The following RAB3C variants were observed in gnomAD, a reference collection of about 807,000 sequenced individuals.
RAB3C encodes the protein RAB3C, member RAS oncogene family.
A neutral mutation model predicts 26.4 loss-of-function variants in RAB3C; 17 were observed. The observed-to-expected ratio is 0.64, with a 90% CI of 0.44 to 0.97. The LOEUF (loss-of-function observed/expected upper bound fraction) is 0.97. RAB3C is among the 50% of genes least tolerant of loss of function. The pLI, the probability that RAB3C is intolerant of heterozygous loss-of-function variation, is 0.00. For missense variants in RAB3C, 242 were observed against 281.9 expected (o/e 0.86, Z 1.01); for synonymous variants, 91 against 95.9 (o/e 0.95, Z 0.30).
At chr5:58,760,686 A>G (rs1215110138) in intron 3 of RAB3C, among the ~76,000 whole-genome samples, 1 of 152,220 alleles carries the variant, frequency 6.6e-6, no homozygotes, top group Non-Finnish European at 1.5e-5. Flanking sequence ...GATAAAAATG[A>G]AAAATACTGA....
At chr5:58,807,666 G>GT (rs1561137161) in intron 3 of RAB3C, among the ~76,000 whole-genome samples, 3 of 152,014 alleles carry the variant, frequency 2.0e-5, no homozygotes, top group Admixed American at 2.0e-4. Flanking sequence ...AACTACAATG[G>GT]TGGGGGGGCA....
intron 4 of RAB3C, among the ~76,000 whole-genome samples, chr5:58,834,541 T>G (rs896092756): frequency 6.6e-6 from 1 of 152,204 alleles, no homozygotes; most frequent in Non-Finnish European, 1.5e-5. Context: ...TTTTAAAGAT[T>G]TATTTAACTC....
chr5:58,825,533 T>A (rs766739673), intron 4 of RAB3C, among the ~76,000 whole-genome samples: 6 of 152,168 alleles, frequency 3.9e-5, no homozygotes, highest in Non-Finnish European at 7.3e-5. Flanking sequence ...TTCTCAAGTT[T>A]CCATTGGAGG....
chr5:58,836,263 T>TA lies in RAB3C; in HGVS notation c.496+11103dup, dbSNP rs200503749. Among the ~76,000 whole-genome samples, 812 of 93,524 alleles carry TA rather than the reference T, an allele frequency of 8.7e-3. 33 individuals are homozygous for TA. In the East Asian group the frequency reaches 0.12, roughly 14 times the overall value. 61.4% of individuals were successfully genotyped at this position (93,524 alleles called of 152,430 possible). A position where few individuals can be genotyped will look rare whatever the true frequency, so the allele number is the denominator to read the frequency against. ...TATTTCTTTATTTTTAAAATTAAAT[T>TA]AATTTTTTTTACAAATTATGATGTT... On this transcript the variant is annotated intron_variant, in intron 4 of 4. Transcript: ENST00000282878.
chr5:58,700,970 TTTTATTTA>T (rs150630099), intron 2 of RAB3C, among the ~76,000 whole-genome samples: 3,707 of 148,356 alleles, frequency 0.025, 133 homozygotes, highest in African/African-American at 0.082. Context: ...CTTAAAAATC[TTTTATTTA>T]TTTATTTATT....
At chr5:58,757,659 T>A (rs1210899124) in intron 3 of RAB3C, among the ~76,000 whole-genome samples, 1 of 152,174 alleles carries the variant, frequency 6.6e-6, no homozygotes, top group East Asian at 1.9e-4. Context: ...GTTTTCTGAT[T>A]TCCCTACTAG....
At chr5:58,688,135 A>G (rs1175389842) in intron 2 of RAB3C, among the ~76,000 whole-genome samples, 1 of 152,104 alleles carries the variant, frequency 6.6e-6, no homozygotes, top group Non-Finnish European at 1.5e-5. Context: ...TATTGTTCTA[A>G]TGGTTTCTCC....
intron 4 of RAB3C, among the ~76,000 whole-genome samples, chr5:58,838,858 C>T (rs1319889819): frequency 8.5e-5 from 13 of 152,232 alleles, no homozygotes; most frequent in Admixed American, 6.5e-5. Context: ...ACATCTAATA[C>T]TTGCTTTATG....
At chr5:58,781,910 GCT>G (rs1742278228) in intron 3 of RAB3C, among the ~76,000 whole-genome samples, 1 of 152,030 alleles carries the variant, frequency 6.6e-6, no homozygotes, top group Admixed American at 6.6e-5. Context: ...TCAAGGTCAA[GCT>G]TAGATTTTAT....
At chr5:58,837,935 A>G (rs949621927) in intron 4 of RAB3C, among the ~76,000 whole-genome samples, 13 of 152,196 alleles carry the variant, frequency 8.5e-5, no homozygotes, top group African/African-American at 2.9e-4. Flanking sequence ...ATTGGCATAT[A>G]GTTGTCCATA....
intron 4 of RAB3C, among the ~76,000 whole-genome samples, chr5:58,837,354 A>T (rs1579946231): frequency 6.6e-6 from 1 of 151,368 alleles, no homozygotes; most frequent in Admixed American, 6.6e-5. Flanking sequence ...GCTAATTTTT[A>T]TATTTTTAGT....
intron 2 of RAB3C, among the ~76,000 whole-genome samples, chr5:58,675,374 G>A (rs141024852): frequency 6.9e-4 from 105 of 152,034 alleles, no homozygotes; most frequent in African/African-American, 2.4e-3. Flanking sequence ...TGTCTGCAAG[G>A]CTTTTGAAGT....
chr5:58,650,437 A>G (rs1747620248), intron 2 of RAB3C, among the ~76,000 whole-genome samples: 1 of 152,192 alleles, frequency 6.6e-6, no homozygotes, highest in Non-Finnish European at 1.5e-5. Flanking sequence ...AAAGAACAAA[A>G]TGTAAAATTC....
intron 3 of RAB3C, among the ~76,000 whole-genome samples, chr5:58,745,392 C>CAAAAAAAAAAAAAAAAAAAAAAAAAAAAA (rs1173604247): frequency 3.0e-5 from 1 of 33,110 alleles, no homozygotes; most frequent in African/African-American, 9.3e-5. Flanking sequence ...GACTCTGCTT[C>CAAAAAAAAAAAAAAAAAAAAAAAAAAAAA]AAAAAAAAAA....
At chr5:58,754,272 A>C (rs1741597815) in intron 3 of RAB3C, among the ~76,000 whole-genome samples, 1 of 152,166 alleles carries the variant, frequency 6.6e-6, no homozygotes, top group Non-Finnish European at 1.5e-5. Flanking sequence ...TCTTGTGGAA[A>C]CTGTCACTAA....
intron 3 of RAB3C, among the ~76,000 whole-genome samples, chr5:58,753,463 C>T (rs1741577855): frequency 6.6e-6 from 1 of 152,186 alleles, no homozygotes; most frequent in Non-Finnish European, 1.5e-5. Flanking sequence ...ACTTCTAAAA[C>T]TTCCAGTTTC....
chr5:58,649,569 C>A (rs1747599449), intron 2 of RAB3C, among the ~76,000 whole-genome samples: 2 of 151,922 alleles, frequency 1.3e-5, no homozygotes, highest in African/African-American at 2.4e-5. Flanking sequence ...CTTAACCACC[C>A]CAGAGGAGCC....
At chr5:58,813,592 TTATATATATATATATATATA>T (rs869039335) in intron 3 of RAB3C, among the ~76,000 whole-genome samples, 5 of 47,816 alleles carry the variant, frequency 1.0e-4, no homozygotes, top group East Asian at 5.0e-4. Context: ...ATATTTATAT[TTATATATATATATATATATA>T]TATATATATA....
chr5:58,851,008 G>T (rs370538797), intron 4 of RAB3C, among the ~76,000 whole-genome samples, 156 bp from the exon 5 acceptor site: 1 of 152,126 alleles, frequency 6.6e-6, no homozygotes, highest in Non-Finnish European at 1.5e-5. Flanking sequence ...TTGCTTAAAT[G>T]GTACCTCATG....
Sources: allele counts gnomAD v4.1 joint callset (sites outside exome capture counted in the v4.1 genomes callset), GRCh38; gene constraint gnomAD v4.1.1; transcripts MANE v1.5; gene names NCBI Gene and HGNC (gene_info 2026-07-23, HGNC 2026-07-21).